The following GALNT2 variants were observed in gnomAD, a reference collection of about 807,000 sequenced individuals.
The protein encoded by GALNT2 is polypeptide N-acetylgalactosaminyltransferase 2.
Under a neutral mutation model 81.4 loss-of-function variants are expected in GALNT2, and 31 were observed. The observed-to-expected ratio is 0.38, with a 90% CI of 0.29 to 0.51. GALNT2 has a LOEUF of 0.51. GALNT2 is among the 20% of genes least tolerant of loss of function. The pLI, the probability that GALNT2 is intolerant of heterozygous loss-of-function variation, is 0.87. For synonymous variants in GALNT2, 303 were observed against 287.4 expected (o/e 1.05, Z -0.55); for missense variants, 629 against 765.7 (o/e 0.82, Z 2.11).
rs536205016 is a variant in GALNT2 at position 230,164,386 on chromosome 1, C to T, written c.127-13832C>T. Among the ~76,000 whole-genome samples the T allele has an allele frequency of 2.1e-4, 32 of 152,326 alleles. No individual in the cohort carries two copies. The South Asian group carries it at 6.6e-3, about 32-fold the overall frequency. On this transcript the variant is annotated intron_variant, in intron 1 of 15. Transcript: ENST00000366672. ...CAGCGGTGATAAGCGCACAAGATCACTTTGGTGTTTGACCCGTTTCTTGGA... is the reference window on the plus strand; with the variant it reads ...CAGCGGTGATAAGCGCACAAGATCATTTTGGTGTTTGACCCGTTTCTTGGA...
intron 1 of GALNT2, among the ~76,000 whole-genome samples, chr1:230,113,859 CCTGTGACTCAATGG>C (rs2102792790): frequency 6.6e-6 from 1 of 152,124 alleles, no homozygotes; most frequent in South Asian, 2.1e-4. Context: ...CCCAGTTCTG[CCTGTGACTCAATGG>C]CTGTGGCTCA....
At chr1:230,200,983 A>T (rs925782090) in intron 2 of GALNT2, among the ~76,000 whole-genome samples, 2 of 152,244 alleles carry the variant, frequency 1.3e-5, no homozygotes, top group Non-Finnish European at 2.9e-5. Context: ...CTTTTGTATT[A>T]GTCCGTGAAA....
intron 14 of GALNT2, among the ~76,000 whole-genome samples, chr1:230,269,593 G>A (rs1368176952): frequency 3.9e-5 from 6 of 152,250 alleles, no homozygotes; most frequent in Middle Eastern, 3.4e-3. Flanking sequence ...GAGCTAACAA[G>A]TGATTCTAAA....
chr1:230,197,563 T>A (rs910040440), intron 2 of GALNT2, among the ~76,000 whole-genome samples: 2 of 152,166 alleles, frequency 1.3e-5, no homozygotes, highest in African/African-American at 4.8e-5. Flanking sequence ...ATTCTGTTTG[T>A]GTTCGGTCAT....
At chr1:230,277,491 A>G (rs762522123) in intron 15 of GALNT2, among the ~76,000 whole-genome samples, 6 of 152,224 alleles carry the variant, frequency 3.9e-5, no homozygotes, top group African/African-American at 9.6e-5. Context: ...ATACATACAC[A>G]CTTTACATGA....
At chr1:230,255,931 T>G (rs1665697621) in intron 11 of GALNT2, among the ~76,000 whole-genome samples, 1 of 152,142 alleles carries the variant, frequency 6.6e-6, no homozygotes, top group Non-Finnish European at 1.5e-5. Context: ...GAACAGAAAT[T>G]TATCTACTCA....
chr1:230,149,941 G>T (rs755673799), intron 1 of GALNT2, among the ~76,000 whole-genome samples: 1 of 152,110 alleles, frequency 6.6e-6, no homozygotes, highest in Admixed American at 6.5e-5. Context: ...TGACACATGG[G>T]GTGCCTCTGA....
intron 6 of GALNT2, among the ~76,000 whole-genome samples, chr1:230,237,853 AAAAAG>A (rs1665079795): frequency 6.6e-6 from 1 of 152,166 alleles, no homozygotes. Context: ...AAAAAAAAAA[AAAAAG>A]AGAAGTGGGG....
intron 1 of GALNT2, among the ~76,000 whole-genome samples, chr1:230,080,856 GTACA>G (rs1171369385): frequency 1.3e-5 from 2 of 152,214 alleles, no homozygotes; most frequent in Non-Finnish European, 2.9e-5. Flanking sequence ...ATGGTGCCTG[GTACA>G]TACATAGTAA....
chr1:230,063,567 C>T (rs147559630), upstream of GALNT2, among the ~76,000 whole-genome samples: 936 of 152,272 alleles, frequency 6.1e-3, 5 homozygotes, highest in Admixed American at 9.0e-3. Flanking sequence ...GACTTCAGAC[C>T]TGCCCCATGT....
intron 1 of GALNT2, among the ~76,000 whole-genome samples, chr1:230,168,660 T>G (rs1662689639): frequency 6.6e-6 from 1 of 152,240 alleles, no homozygotes; most frequent in Non-Finnish European, 1.5e-5. Flanking sequence ...GTAAATAGGA[T>G]TATGCGCACA....
At chr1:230,262,848 G>A (rs2102762808) in intron 12 of GALNT2, 74 bp from the exon 13 acceptor site, 1 of 1,485,440 alleles carries the variant, frequency 6.7e-7, no homozygotes, top group East Asian at 2.3e-5. Context: ...CTCCTCAGCA[G>A]ATTTTCAAGT....
chr1:230,171,850 G>A (rs1408778603), intron 1 of GALNT2, among the ~76,000 whole-genome samples: 1 of 152,140 alleles, frequency 6.6e-6, no homozygotes, highest in Non-Finnish European at 1.5e-5. Context: ...ACATCAGCGT[G>A]AGATGAAGCC....
At chr1:230,185,176 T>C (rs1236081529) in intron 2 of GALNT2, among the ~76,000 whole-genome samples, 1 of 152,192 alleles carries the variant, frequency 6.6e-6, no homozygotes, top group Non-Finnish European at 1.5e-5. Flanking sequence ...ATATTAATTA[T>C]AGTTGTTTTA....
chr1:230,141,788 CT>C (rs60824749), intron 1 of GALNT2, among the ~76,000 whole-genome samples: 3,058 of 101,200 alleles, frequency 0.03, 31 homozygotes, highest in African/African-American at 0.062. Flanking sequence ...TTTTGTTTTC[CT>C]TTTTTTTTTT....
At chr1:230,091,318 G>A (rs1398461110) in intron 1 of GALNT2, among the ~76,000 whole-genome samples, 3 of 151,740 alleles carry the variant, frequency 2.0e-5, no homozygotes, top group Non-Finnish European at 2.9e-5. Flanking sequence ...TTGTGATACG[G>A]CCACCTTGGC....
At chr1:230,250,650 C>T (rs1453086569) in intron 10 of GALNT2, 90 bp downstream of exon 10, 1 of 822,984 alleles carries the variant, frequency 1.2e-6, no homozygotes, top group Non-Finnish European at 1.9e-6. Flanking sequence ...TAAAAGGCTT[C>T]AGAGTGACCA....
At chr1:230,248,755 C>G (rs573870758) in intron 8 of GALNT2, among the ~76,000 whole-genome samples, 1 of 152,282 alleles carries the variant, frequency 6.6e-6, no homozygotes, top group South Asian at 2.1e-4. Context: ...CTCGTTCCCT[C>G]CCCAGCATTG....
chr1:230,236,228 C>A, intron 4 of GALNT2, 116 bp downstream of exon 4: 1 of 1,344,930 alleles, frequency 7.4e-7, no homozygotes, highest in Non-Finnish European at 1.1e-6. Context: ...GACTGCTCAG[C>A]ACAGGGTGCA....
Sources: gnomAD v4.1 joint callset for allele counts (sites outside exome capture counted in the v4.1 genomes callset) on GRCh38, gnomAD v4.1.1 for gene constraint, MANE v1.5 for transcripts, NCBI Gene and HGNC (gene_info 2026-07-23, HGNC 2026-07-21) for gene names.